Variants in AUTS2 observed in about 807,000 individuals in gnomAD.
The protein encoded by AUTS2 is activator of transcription and developmental regulator AUTS2, also known as autism susceptibility gene 2 protein.
In AUTS2, 17 loss-of-function variants were observed where a neutral mutation model predicts 112.4. That is an observed-to-expected ratio of 0.15 (90% CI 0.10 to 0.23). AUTS2 has a LOEUF of 0.23. Among genes scored for constraint, AUTS2 ranks in the 10% least tolerant of loss-of-function variants. The probability of loss-of-function intolerance (pLI) is 1.00; values close to 1 mark genes in which losing one functional copy is unlikely to be tolerated. For missense variants in AUTS2, 1,510 were observed against 1,701.6 expected (o/e 0.89, Z 1.98); for synonymous variants, 751 against 702.7 (o/e 1.07, Z -1.09).
At chr7:70,054,318 CTCTT>C (rs2129559732) in intron 2 of AUTS2, among the ~76,000 whole-genome samples, 1 of 152,312 alleles carries the variant, frequency 6.6e-6, no homozygotes, top group African/African-American at 2.4e-5. Context: ...CTTCTATCTT[CTCTT>C]TCTCACTCAC....
chr7:69,824,534 G>C (rs925214336), intron 1 of AUTS2: 1 of 151,714 alleles, frequency 6.6e-6, no homozygotes, highest in Non-Finnish European at 1.5e-5. Flanking sequence ...ACCAGCCCTC[G>C]ATTTTTTTTT....
chr7:69,964,681 G>A (rs1357703287), intron 2 of AUTS2, among the ~76,000 whole-genome samples: 4 of 151,734 alleles, frequency 2.6e-5, no homozygotes, highest in African/African-American at 9.7e-5. Flanking sequence ...TCCCTTCTCG[G>A]TGAGCTTTTG....
chr7:70,632,904 G>A (rs1019327627), intron 5 of AUTS2, among the ~76,000 whole-genome samples: 4 of 152,064 alleles, frequency 2.6e-5, no homozygotes, highest in African/African-American at 9.7e-5. Context: ...GACCTTTAAG[G>A]TTCCCACCAG....
chr7:69,806,228 T>A (rs867410343), intron 1 of AUTS2, among the ~76,000 whole-genome samples: 46 of 128,516 alleles, frequency 3.6e-4, no homozygotes, highest in African/African-American at 1.1e-3. Flanking sequence ...TTTTTTTTTT[T>A]AAACCAGCGT....
chr7:70,785,874 A>G, intron 16 of AUTS2, 81 bp from the exon 17 acceptor site: 4 of 1,338,444 alleles, frequency 3.0e-6, no homozygotes, highest in South Asian at 1.2e-5. Flanking sequence ...GGGATCCCGC[A>G]TCGCCCTGCT....
At chr7:70,083,232 C>A (rs776399809) in intron 2 of AUTS2, among the ~76,000 whole-genome samples, 2 of 152,128 alleles carry the variant, frequency 1.3e-5, no homozygotes, top group Admixed American at 1.3e-4. Flanking sequence ...AGGGAACCCA[C>A]GAGTTTCCTC....
At chr7:69,744,815 G>GTGAGAC (rs1787420080) in intron 1 of AUTS2, among the ~76,000 whole-genome samples, 1 of 152,182 alleles carries the variant, frequency 6.6e-6, no homozygotes, top group South Asian at 2.1e-4. Context: ...AGGTGACAGA[G>GTGAGAC]TGAGACCTTA....
intron 4 of AUTS2, among the ~76,000 whole-genome samples, chr7:70,415,394 G>A (rs1794947776): frequency 6.6e-6 from 1 of 152,212 alleles, no homozygotes; most frequent in Non-Finnish European, 1.5e-5. Context: ...GAATACATGT[G>A]TAAGCATATT....
At chr7:70,496,619 G>A (rs6966801) in intron 5 of AUTS2, among the ~76,000 whole-genome samples, 24,175 of 81,074 alleles carry the variant, frequency 0.3, 2,290 homozygotes, top group Middle Eastern at 0.35. Flanking sequence ...CTCACACCAC[G>A]TACACAGGCA....
chr7:70,272,734 TTTG>T lies in AUTS2; in HGVS notation c.660+138166_660+138168del, dbSNP rs569152651. On this transcript the variant is annotated intron_variant, in intron 4 of 18. Transcript: ENST00000342771. Reference sequence around the variant, plus strand: ...ACTTCTGGCAAATGGTTGCTGTTTTTTTGTTTGTTTGTTTGTTTGTTTTAATTC... The same window carrying T: ...ACTTCTGGCAAATGGTTGCTGTTTTTTTTGTTTGTTTGTTTGTTTTAATTC... Among the ~76,000 whole-genome samples, 23 of 90,420 alleles carry T rather than the reference TTTG, an allele frequency of 2.5e-4. No individual in the cohort carries two copies. The East Asian group carries it at 3.8e-3, about 15-fold the overall frequency. 59.3% of individuals were successfully genotyped at this position (90,420 alleles called of 152,430 possible). A position where few individuals can be genotyped will look rare whatever the true frequency, so the allele number is the denominator to read the frequency against.
Position 69,708,824 on chromosome 7 carries a change from G to A in AUTS2, c.309+108862G>A, listed in dbSNP as rs1329127831. Among the ~76,000 whole-genome samples the A allele has an allele frequency of 2.6e-5, 4 of 152,182 alleles. No homozygotes were observed. In the East Asian group the frequency reaches 7.7e-4, roughly 29 times the overall value. ...GATTTGGAATTTGGTTGCTTATTGAGAACCTCTTGAGAAAATCAGATTATC... is the reference window on the plus strand; with the variant it reads ...GATTTGGAATTTGGTTGCTTATTGAAAACCTCTTGAGAAAATCAGATTATC... On this transcript the variant is annotated intron_variant, in intron 1 of 18. Transcript: ENST00000342771.
chr7:69,671,287 T>G (rs1650696680), intron 1 of AUTS2, among the ~76,000 whole-genome samples: 1 of 152,210 alleles, frequency 6.6e-6, no homozygotes, highest in Non-Finnish European at 1.5e-5. Flanking sequence ...TTTAGTTGCA[T>G]AACCTTGGGC....
At chr7:70,444,343 C>CAT (rs1554402013) in intron 5 of AUTS2, among the ~76,000 whole-genome samples, 5 of 138,690 alleles carry the variant, frequency 3.6e-5, no homozygotes, top group African/African-American at 1.4e-4. Flanking sequence ...TGGTCATGTA[C>CAT]GTGTGTGTGT....
chr7:69,799,577 T>C (rs1789992760), intron 1 of AUTS2, among the ~76,000 whole-genome samples: 1 of 152,186 alleles, frequency 6.6e-6, no homozygotes, highest in Non-Finnish European at 1.5e-5. Context: ...GCTGTTACTG[T>C]TAAATCTACA....
chr7:69,700,006 G>A (rs1797738311), intron 1 of AUTS2, among the ~76,000 whole-genome samples: 1 of 152,162 alleles, frequency 6.6e-6, no homozygotes, highest in African/African-American at 2.4e-5. Flanking sequence ...AAGTGAAATT[G>A]TTACAGTGAA....
chr7:70,726,714 T>G (rs759521675), intron 6 of AUTS2, among the ~76,000 whole-genome samples: 21 of 152,176 alleles, frequency 1.4e-4, no homozygotes, highest in Non-Finnish European at 2.4e-4. Context: ...CCCAAGACCC[T>G]TTAATGCTCC....
chr7:70,642,284 T>G (rs1805876108), intron 5 of AUTS2, among the ~76,000 whole-genome samples: 1 of 152,236 alleles, frequency 6.6e-6, no homozygotes, highest in African/African-American at 2.4e-5. Flanking sequence ...TAGCTAACTG[T>G]AGTGACCTTG....
intron 5 of AUTS2, among the ~76,000 whole-genome samples, chr7:70,674,333 A>G (rs1476458101): frequency 2.0e-5 from 3 of 152,234 alleles, no homozygotes; most frequent in Non-Finnish European, 4.4e-5. Context: ...ATATATGTCT[A>G]ACTACATGTC....
chr7:70,130,512 A>C (rs1298220788), intron 3 of AUTS2, among the ~76,000 whole-genome samples: 1 of 152,190 alleles, frequency 6.6e-6, no homozygotes, highest in Non-Finnish European at 1.5e-5. Flanking sequence ...TGTCAGCAGC[A>C]ACATTCTCCC....
Sources: allele counts gnomAD v4.1 joint callset (sites outside exome capture counted in the v4.1 genomes callset), GRCh38; gene constraint gnomAD v4.1.1; transcripts MANE v1.5; gene names NCBI Gene and HGNC (gene_info 2026-07-23, HGNC 2026-07-21).